Variants in PPARGC1A observed in about 807,000 individuals in gnomAD.
The protein encoded by PPARGC1A is peroxisome proliferator-activated receptor gamma coactivator 1-alpha.
A neutral mutation model predicts 88.7 loss-of-function variants in PPARGC1A; 25 were observed. The ratio of observed to expected loss-of-function variants is 0.28; its 90% confidence interval spans 0.21 to 0.39. The LOEUF is 0.39. PPARGC1A is among the 10% of genes least tolerant of loss of function. The pLI is 1.00. For missense variants in PPARGC1A, 880 were observed against 968.7 expected, an observed-to-expected ratio of 0.91 and a Z score of 1.22; for synonymous variants, 363 against 355.6, an observed-to-expected ratio of 1.02 and a Z score of -0.24.
the PPARGC1A span, among the ~76,000 whole-genome samples, chr4:24,177,449 C>T: frequency 3.4e-5 from 5 of 149,048 alleles, no homozygotes; most frequent in Non-Finnish European, 5.9e-5. Flanking sequence ...GGGAACATCA[C>T]ACACTGGGGC....
chr4:23,877,360 C>CAAAAAAAA (rs551447166), intron 2 of PPARGC1A, among the ~76,000 whole-genome samples: 3 of 62,818 alleles, frequency 4.8e-5, no homozygotes, highest in African/African-American at 7.2e-5. Flanking sequence ...ACTAAAAATA[C>CAAAAAAAA]AAAAAAAAAA....
At chr4:24,295,492 T>C in the PPARGC1A span, among the ~76,000 whole-genome samples, 4 of 152,040 alleles carry the variant, frequency 2.6e-5, no homozygotes, top group Non-Finnish European at 5.9e-5. Context: ...AGAGAGGGCA[T>C]TGGACTAGAA....
At chr4:24,123,934 A>C in the PPARGC1A span, among the ~76,000 whole-genome samples, 106 of 151,942 alleles carry the variant, frequency 7.0e-4, no homozygotes, top group East Asian at 0.019. Context: ...AACAAAAAAA[A>C]CAGCTGTGAC....
intron 3 of PPARGC1A, 166 bp from the exon 4 acceptor site, chr4:23,829,751 T>C (rs1319508957): frequency 1.8e-6 from 1 of 564,016 alleles, no homozygotes; most frequent in African/African-American, 1.9e-5. Context: ...GGAAATATGA[T>C]ATTTAAAGAG....
chr4:24,453,203 A>G, the PPARGC1A span, among the ~76,000 whole-genome samples: 1 of 152,244 alleles, frequency 6.6e-6, no homozygotes, highest in Non-Finnish European at 1.5e-5. Context: ...AGAAGGAACC[A>G]AATCTGCCAA....
At chr4:24,324,190 G>A in the PPARGC1A span, among the ~76,000 whole-genome samples, 1 of 152,126 alleles carries the variant, frequency 6.6e-6, no homozygotes, top group African/African-American at 2.4e-5. Context: ...CTTTTCTGGG[G>A]AAGAGGCAAG....
At chr4:24,107,050 A>G in the PPARGC1A span, among the ~76,000 whole-genome samples, 1 of 152,260 alleles carries the variant, frequency 6.6e-6, no homozygotes, top group Admixed American at 6.5e-5. Flanking sequence ...AATACTTCCA[A>G]CAGGGCATTG....
the PPARGC1A span, among the ~76,000 whole-genome samples, chr4:24,024,789 T>C: frequency 6.6e-6 from 1 of 152,178 alleles, no homozygotes; most frequent in East Asian, 1.9e-4. Context: ...AATGCAAGGA[T>C]GGGGAAGCAT....
the PPARGC1A span, among the ~76,000 whole-genome samples, chr4:24,392,113 T>C: frequency 6.6e-6 from 1 of 152,192 alleles, no homozygotes; most frequent in African/African-American, 2.4e-5. Context: ...GTCATTCGCT[T>C]TTTTCCTGGA....
the PPARGC1A span, among the ~76,000 whole-genome samples, chr4:24,125,703 G>T: frequency 6.6e-6 from 1 of 152,080 alleles, no homozygotes; most frequent in Non-Finnish European, 1.5e-5. Context: ...AAGATTAGAG[G>T]TTCATGTAAG....
At chr4:24,089,500 CTT>C in the PPARGC1A span, among the ~76,000 whole-genome samples, 1 of 94,254 alleles carries the variant, frequency 1.1e-5, no homozygotes, top group Non-Finnish European at 2.2e-5. Flanking sequence ...CTTTTCTTTT[CTT>C]TTCTTTTCTT....
the PPARGC1A span, among the ~76,000 whole-genome samples, chr4:24,223,570 C>T: frequency 1.3e-5 from 2 of 152,146 alleles, no homozygotes; most frequent in African/African-American, 4.8e-5. Flanking sequence ...TAATTTTTAA[C>T]ATTTCTGAAG....
At chr4:24,389,998 G>A in the PPARGC1A span, among the ~76,000 whole-genome samples, 57 of 152,220 alleles carry the variant, frequency 3.7e-4, no homozygotes, top group Non-Finnish European at 6.3e-4. Context: ...TAATTTGGAC[G>A]GGTTTGGAGT....
At chr4:23,872,646 C>T (rs1713645937) in intron 2 of PPARGC1A, among the ~76,000 whole-genome samples, 1 of 152,154 alleles carries the variant, frequency 6.6e-6, no homozygotes, top group Non-Finnish European at 1.5e-5. Flanking sequence ...GACAGCTTAT[C>T]TTATTTGTAA....
the PPARGC1A span, among the ~76,000 whole-genome samples, chr4:24,386,391 G>A: frequency 6.6e-5 from 10 of 152,106 alleles, no homozygotes; most frequent in African/African-American, 2.4e-4. Context: ...GTTCTGGACA[G>A]GGCAATAAGG....
the PPARGC1A span, among the ~76,000 whole-genome samples, chr4:24,125,189 T>C: frequency 6.6e-6 from 1 of 152,198 alleles, no homozygotes; most frequent in Non-Finnish European, 1.5e-5. Context: ...TGGTATTTTA[T>C]ACATCTTAAA....
At chr4:24,214,939 C>T in the PPARGC1A span, among the ~76,000 whole-genome samples, 1 of 152,154 alleles carries the variant, frequency 6.6e-6, no homozygotes, top group African/African-American at 2.4e-5. Flanking sequence ...AAGTATGTTG[C>T]CTTGTGCTGC....
the PPARGC1A span, among the ~76,000 whole-genome samples, chr4:23,995,728 G>T: frequency 6.6e-6 from 1 of 152,150 alleles, no homozygotes; most frequent in African/African-American, 2.4e-5. Context: ...TGACCTCCCA[G>T]GGAAGGGGCC....
chr4:24,044,843 C>T, the PPARGC1A span, among the ~76,000 whole-genome samples: 1 of 152,178 alleles, frequency 6.6e-6, no homozygotes, highest in South Asian at 2.1e-4. Context: ...GGGCAACAGT[C>T]CTTAAACCTC....
Sources: allele counts gnomAD v4.1 joint callset (sites outside exome capture counted in the v4.1 genomes callset), GRCh38; gene constraint gnomAD v4.1.1; transcripts MANE v1.5; gene names NCBI Gene and HGNC (gene_info 2026-07-23, HGNC 2026-07-21).